PRKAA2: variants seen among roughly 807,000 people sequenced by gnomAD.
PRKAA2 encodes 5'-AMP-activated protein kinase catalytic subunit alpha-2.
PRKAA2 carries 40 observed loss-of-function variants against 56.3 expected under a neutral mutation model. The observed-to-expected ratio is 0.71, with a 90% CI of 0.55 to 0.92. PRKAA2 has a LOEUF of 0.92. Among genes scored for constraint, PRKAA2 ranks in the 40% least tolerant of loss-of-function variants. The pLI is 0.00. For missense variants in PRKAA2, 542 were observed against 686.9 expected, an observed-to-expected ratio of 0.79 and a Z score of 2.36; for synonymous variants, 214 against 234.2, an observed-to-expected ratio of 0.91 and a Z score of 0.79.
In PRKAA2 at chr1:56,655,280, A is replaced by ATATATATATATTT; in HGVS notation, c.94+9800_94+9801insATATATATATTTT. Among the ~76,000 whole-genome samples, 114 of 93,650 alleles carry ATATATATATATTT rather than the reference A, an allele frequency of 1.2e-3. 1 individual carries two copies. The highest frequency in any genetic ancestry group is 3.3e-3 in the African/African-American group (73 of 22,042). 61.4% of individuals were successfully genotyped at this position (93,650 alleles called of 152,430 possible). ...TGTATTTATATATCTATATATATAT[A>ATATATATATATTT]TTTTTTTTTTTTTTTTGTAGAGACA... On this transcript the variant is annotated intron_variant, in intron 1 of 8. Coordinates refer to ENST00000371244, the MANE Select transcript of PRKAA2 (RefSeq NM_006252.4).
intron 2 of PRKAA2, among the ~76,000 whole-genome samples, chr1:56,686,087 A>G (rs1198879026): frequency 6.6e-6 from 1 of 152,228 alleles, no homozygotes; most frequent in East Asian, 1.9e-4. Context: ...GTTAATAACC[A>G]AGACATTAAT....
chr1:56,649,259 A>T (rs1646668249), intron 1 of PRKAA2, among the ~76,000 whole-genome samples: 1 of 152,238 alleles, frequency 6.6e-6, no homozygotes, highest in Non-Finnish European at 1.5e-5. Flanking sequence ...TTGTAAGGTT[A>T]ACTTTTTCCA....
intron 6 of PRKAA2, among the ~76,000 whole-genome samples, chr1:56,698,708 T>G (rs1364380768): frequency 6.6e-6 from 1 of 152,226 alleles, no homozygotes; most frequent in Non-Finnish European, 1.5e-5. Flanking sequence ...CTCAATATTA[T>G]TTTTGTACAT....
intron 1 of PRKAA2, among the ~76,000 whole-genome samples, chr1:56,652,642 A>G (rs1643911450): frequency 6.6e-6 from 1 of 152,196 alleles, no homozygotes; most frequent in Non-Finnish European, 1.5e-5. Context: ...GTAATATGGC[A>G]ATGATCATAC....
chr1:56,656,205 A>G (rs999417470), intron 1 of PRKAA2, among the ~76,000 whole-genome samples: 4 of 152,212 alleles, frequency 2.6e-5, no homozygotes, highest in African/African-American at 9.6e-5. Context: ...CCAGACTGAA[A>G]GATAGACAAA....
At chr1:56,700,036 A>G (rs1298688626) in intron 6 of PRKAA2, among the ~76,000 whole-genome samples, 1 of 152,188 alleles carries the variant, frequency 6.6e-6, no homozygotes, top group Non-Finnish European at 1.5e-5. Flanking sequence ...TTTTATGACT[A>G]CTGTTTCCAT....
At chr1:56,692,652 T>C (rs1000826153) in intron 4 of PRKAA2, 150 bp downstream of exon 4, 2 of 674,364 alleles carry the variant, frequency 3.0e-6, no homozygotes, top group Admixed American at 4.0e-5. Context: ...TTTTTTTTCA[T>C]TTAATTAAAT....
At chr1:56,694,130 G>A (rs1326927491) in intron 5 of PRKAA2, among the ~76,000 whole-genome samples, 3 of 152,158 alleles carry the variant, frequency 2.0e-5, no homozygotes, top group Non-Finnish European at 2.9e-5. Context: ...GTGCAGATAA[G>A]AGAGTAAGAA....
intron 6 of PRKAA2, among the ~76,000 whole-genome samples, chr1:56,697,749 G>T: frequency 6.6e-6 from 1 of 151,882 alleles, no homozygotes; most frequent in African/African-American, 2.4e-5. Context: ...GATTGCTTGA[G>T]CCCAGAAGGT....
At chr1:56,648,951 G>A (rs1646666166) in intron 1 of PRKAA2, among the ~76,000 whole-genome samples, 1 of 152,056 alleles carries the variant, frequency 6.6e-6, no homozygotes, top group South Asian at 2.1e-4. Context: ...GTAAATTGTG[G>A]ATACAGATCC....
intron 1 of PRKAA2, among the ~76,000 whole-genome samples, chr1:56,673,332 GCA>G (rs1644090976): frequency 6.6e-6 from 1 of 152,048 alleles, no homozygotes; most frequent in Non-Finnish European, 1.5e-5. Flanking sequence ...TATGTTCACT[GCA>G]CTGCATTCCA....
At chr1:56,666,295 C>T (rs1023017760) in intron 1 of PRKAA2, among the ~76,000 whole-genome samples, 1 of 152,070 alleles carries the variant, frequency 6.6e-6, no homozygotes, top group Non-Finnish European at 1.5e-5. Context: ...GAGCTAGCCA[C>T]CGTAAAGGAG....
chr1:56,695,143 T>A (rs1557559819), intron 5 of PRKAA2, among the ~76,000 whole-genome samples: 1 of 149,390 alleles, frequency 6.7e-6, no homozygotes, highest in African/African-American at 2.5e-5. Flanking sequence ...TTAAGTACTT[T>A]AATGTTTTAA....
intron 1 of PRKAA2, among the ~76,000 whole-genome samples, chr1:56,673,800 A>C (rs891573595): frequency 6.6e-6 from 1 of 152,222 alleles, no homozygotes. Context: ...AATGTTTATA[A>C]AAGATTAAAA....
chr1:56,706,149 G>A lies in PRKAA2; in HGVS notation c.1351G>A (p.Val451Met), dbSNP rs144733520. 2.8e-5 allele frequency: 45 copies of A among 1,613,130 alleles called. No homozygotes were observed. The highest frequency in any genetic ancestry group is 1.6e-4 in the Middle Eastern group (1 of 6,082). ...AAAAAATCCAGTGACTGGCAATTAC[G>A]TGAAAATGAGCTTACAACTTTACCT... ...RRKNPVTGNY[V>M]KMSLQLYLVD... is the part of the protein sequence containing the mutation. Residue 451 changes from valine (V) to methionine (M), a missense_variant, in exon 8 of 9, where the codon GTG becomes ATG. Coordinates refer to ENST00000371244, the MANE Select transcript of PRKAA2 (RefSeq NM_006252.4).
rs1644395272 is a variant in PRKAA2, at chr1:56,714,835, A to G, written c.*7122A>G. 6.6e-6 allele frequency: 1 copy of G among 152,172 alleles called. No homozygotes were observed. The highest frequency in any genetic ancestry group is 2.1e-4 in the South Asian group (1 of 4,834). The allele number at this position is 152,172 out of a possible 1,614,324, so 9.4% of individuals were successfully genotyped here. Reference sequence around the variant, plus strand: ...ACAGCCATTTGGTTGTGTCATGACAATCATAATATAGGATATAATATTTAC... The same window carrying G: ...ACAGCCATTTGGTTGTGTCATGACAGTCATAATATAGGATATAATATTTAC... On this transcript the variant is annotated 3_prime_UTR_variant, in exon 9 of 9. Transcript: ENST00000371244.
intron 2 of PRKAA2, among the ~76,000 whole-genome samples, chr1:56,689,925 C>G (rs1016575732): frequency 5.0e-4 from 76 of 151,554 alleles, no homozygotes; most frequent in African/African-American, 1.8e-3. Flanking sequence ...CACACACACA[C>G]ACACACACAC....
chr1:56,658,738 T>C (rs2746350), intron 1 of PRKAA2, among the ~76,000 whole-genome samples: 149,070 of 151,280 alleles, frequency 0.99, 73,446 homozygotes, highest in East Asian at 1. Context: ...CCTCCTGCCT[T>C]CTTTTTTTTT....
chr1:56,688,887 A>G (rs138539601), intron 2 of PRKAA2, among the ~76,000 whole-genome samples: 2 of 152,354 alleles, frequency 1.3e-5, no homozygotes, highest in Admixed American at 6.5e-5. Context: ...CAATACAAGT[A>G]GGTACTCAAT....
Sources: allele counts gnomAD v4.1 joint callset (sites outside exome capture counted in the v4.1 genomes callset), GRCh38; gene constraint gnomAD v4.1.1; transcripts MANE v1.5; gene names NCBI Gene and HGNC (gene_info 2026-07-23, HGNC 2026-07-21).